ATP11A: variants seen among roughly 807,000 people sequenced by gnomAD.
The protein encoded by ATP11A is phospholipid-transporting ATPase IH.
In ATP11A, 81 loss-of-function variants were observed where a neutral mutation model predicts 154.4. That is an observed-to-expected ratio of 0.52 (90% CI 0.44 to 0.63). ATP11A has a LOEUF of 0.63. ATP11A is among the 30% of genes least tolerant of loss of function. The probability of loss-of-function intolerance (pLI) is 0.00; values close to 1 mark genes in which losing one functional copy is unlikely to be tolerated. For synonymous variants in ATP11A, 623 were observed against 585.9 expected (o/e 1.06, Z -0.91); for missense variants, 1,316 against 1,474.3 (o/e 0.89, Z 1.76).
chr13:112,881,627 C>G, intron 29 of ATP11A: 3 of 1,189,712 alleles, frequency 2.5e-6, no homozygotes, highest in Non-Finnish European at 2.1e-6. Flanking sequence ...GACCCCTCGC[C>G]TCCATATGGC....
rs920334732 is a variant in ATP11A, at chr13:112,789,545, G to A, written c.162+4288G>A. ...CTTAATTCACACCGGGTGTCCTGAT[G>A]CGTAGACTCCTGTGGATACCTACTT... On this transcript the variant is annotated intron_variant, in intron 2 of 29. Coordinates refer to ENST00000375645, the MANE Select transcript of ATP11A (RefSeq NM_015205.3). Among the ~76,000 whole-genome samples the A allele has an allele frequency of 2.7e-5, 4 of 148,588 alleles. No individual in the cohort carries two copies. In the Admixed American group the frequency reaches 2.7e-4, roughly 10 times the overall value.
chr13:112,816,668 G>A (rs1350702727), intron 6 of ATP11A, among the ~76,000 whole-genome samples: 2 of 152,160 alleles, frequency 1.3e-5, no homozygotes, highest in South Asian at 2.1e-4. Context: ...CGTGTTGTAC[G>A]TTGGGTTTTT....
chr13:112,743,072 C>A (rs1014745291), intron 1 of ATP11A, among the ~76,000 whole-genome samples: 3 of 152,118 alleles, frequency 2.0e-5, no homozygotes, highest in African/African-American at 7.2e-5. Context: ...TATGGAGAGG[C>A]GAAGTCGTTA....
intron 1 of ATP11A, among the ~76,000 whole-genome samples, chr13:112,757,367 G>A (rs1429907482): frequency 1.3e-5 from 2 of 152,260 alleles, no homozygotes; most frequent in Non-Finnish European, 2.9e-5. Flanking sequence ...AAGGCAATGT[G>A]TTTAATCCAC....
At chr13:112,851,273 G>C in intron 18 of ATP11A, 55 bp downstream of exon 18, 1 of 1,564,410 alleles carries the variant, frequency 6.4e-7, no homozygotes, top group Non-Finnish European at 8.7e-7. Context: ...GCAGGCCGAC[G>C]GCCCAGGGCG....
At position 112,713,679 on chromosome 13, in the gene ATP11A, G is replaced by A. The variant is rs190025835; in HGVS notation, c.39+23224G>A. Among the ~76,000 whole-genome samples, 5 of 152,274 alleles carry A rather than the reference G, an allele frequency of 3.3e-5. No individual in the cohort carries two copies. The East Asian group carries it at 9.6e-4, about 29-fold the overall frequency. ...CAGGCAGAGTGGACATTTCACTCGC[G>A]GTTTAATTTGCGGGAAGATCACATT... is the stretch of plus-strand genomic sequence containing the variant. On this transcript the variant is annotated intron_variant, in intron 1 of 29. Transcript: ENST00000375645.
intron 1 of ATP11A, among the ~76,000 whole-genome samples, chr13:112,708,805 T>C (rs1887436434): frequency 1.3e-5 from 2 of 152,036 alleles, no homozygotes; most frequent in Non-Finnish European, 2.9e-5. Flanking sequence ...TTCCAACGAG[T>C]GGCTCTCCCG....
chr13:112,830,104 G>A (rs1333057048), intron 12 of ATP11A, among the ~76,000 whole-genome samples: 1 of 152,196 alleles, frequency 6.6e-6, no homozygotes, highest in Non-Finnish European at 1.5e-5. Flanking sequence ...GCTCTGCCCA[G>A]TGGCTGGCAC....
In ATP11A at chr13:112,748,275, A is replaced by T. The variant is rs180853608; in HGVS notation, c.40-36860A>T. On this transcript the variant is annotated intron_variant, in intron 1 of 29. Transcript: ENST00000375645. ...CTAGAAGGCATTTGTGGGACTCTCAAACTAAGATGGGTCTTCATTACCTTC... is the reference window on the plus strand; with the variant it reads ...CTAGAAGGCATTTGTGGGACTCTCATACTAAGATGGGTCTTCATTACCTTC... Among the ~76,000 whole-genome samples the T allele has an allele frequency of 2.0e-4, 31 of 152,332 alleles. No homozygotes were observed. In the East Asian group the frequency reaches 3.7e-3, roughly 18 times the overall value.
chr13:112,691,437 C>T (rs1885158948), intron 1 of ATP11A, among the ~76,000 whole-genome samples: 1 of 144,314 alleles, frequency 6.9e-6, no homozygotes, highest in Non-Finnish European at 1.5e-5. Context: ...GCACTCCAAC[C>T]TGGGTGACAG....
In ATP11A at chr13:112,864,582, G is replaced by C. The variant is rs1382067379; in HGVS notation, c.2991+2007G>C. On this transcript the variant is annotated intron_variant, in intron 25 of 29. Transcript: ENST00000375645. Reference sequence around the variant, plus strand: ...GCGGCCCATGCAGCTTCCCAGCGGGGTCCATCACCACCTGCACAGTAATTC... The same window carrying C: ...GCGGCCCATGCAGCTTCCCAGCGGGCTCCATCACCACCTGCACAGTAATTC... Among the ~76,000 whole-genome samples, 5 of 50,474 alleles carry C rather than the reference G, an allele frequency of 9.9e-5. 1 individual carries two copies. The highest frequency in any genetic ancestry group is 1.6e-4 in the Non-Finnish European group (5 of 30,916). The allele number at this position is 50,474 out of a possible 152,430, so 33.1% of individuals were successfully genotyped here.
intron 1 of ATP11A, among the ~76,000 whole-genome samples, chr13:112,716,864 G>A (rs1888519841): frequency 6.6e-6 from 1 of 152,118 alleles, no homozygotes. Context: ...TTCTAAAGAT[G>A]GCTATGTGCA....
At chr13:112,863,641 G>C (rs1184829186) in intron 25 of ATP11A, among the ~76,000 whole-genome samples, 18 of 147,598 alleles carry the variant, frequency 1.2e-4, no homozygotes, top group Non-Finnish European at 1.0e-4. Context: ...ATTCAGTGCA[G>C]CCCATGCAGC....
At chr13:112,712,577 G>A (rs1475284861) in intron 1 of ATP11A, among the ~76,000 whole-genome samples, 3 of 152,156 alleles carry the variant, frequency 2.0e-5, no homozygotes, top group African/African-American at 7.2e-5. Flanking sequence ...TCTCTCTACT[G>A]TGGGTGATGG....
rs1566449785 is a variant in ATP11A, at chr13:112,766,801, TTGGGG to T, written c.40-18333_40-18329del. 3.8e-3 allele frequency among the ~76,000 whole-genome samples: 8 copies of T among 2,082 alleles called. 1 individual carries two copies. The highest frequency in any genetic ancestry group is 0.012 in the Admixed American group (1 of 84). The allele number at this position is 2,082 out of a possible 152,430, so 1.4% of individuals were successfully genotyped here. A position where few individuals can be genotyped will look rare whatever the true frequency, so the allele number is the denominator to read the frequency against. ...TTCCTGTGAGGAGGATGTGGGGGCG[TTGGGG>T]GCCACTGTGGGAAGGTGGGGAGATG... On this transcript the variant is annotated intron_variant, in intron 1 of 29. Coordinates refer to ENST00000375645, the MANE Select transcript of ATP11A (RefSeq NM_015205.3).
chr13:112,723,806 A>C (rs1889493519), intron 1 of ATP11A, among the ~76,000 whole-genome samples: 1 of 152,080 alleles, frequency 6.6e-6, no homozygotes, highest in South Asian at 2.1e-4. Context: ...AGCTGACTGA[A>C]GGTTATTTGA....
intron 2 of ATP11A, among the ~76,000 whole-genome samples, chr13:112,797,426 T>C (rs375684837): frequency 6.6e-6 from 1 of 150,802 alleles, no homozygotes; most frequent in Non-Finnish European, 1.5e-5. Context: ...AGCTCAGAGA[T>C]AAATACAAAA....
In ATP11A at chr13:112,790,827, A is replaced by G. The variant is rs181069765; in HGVS notation, c.162+5570A>G. On this transcript the variant is annotated intron_variant, in intron 2 of 29. Transcript: ENST00000375645. ...TTTTAAAGAATATTTTACAACAGAA[A>G]AGGTCACCTTTTCAAAGCCTTTTTT... 3.1e-3 allele frequency among the ~76,000 whole-genome samples: 465 copies of G among 152,352 alleles called. 3 individuals carry two copies. Among genetic ancestry groups the G allele is most frequent in the African/African-American group, 0.011 (451 of 41,576 alleles).
chr13:112,712,640 C>T (rs544792911), intron 1 of ATP11A, among the ~76,000 whole-genome samples: 1 of 152,358 alleles, frequency 6.6e-6, no homozygotes, highest in African/African-American at 2.4e-5. Flanking sequence ...CGCAGAGCCC[C>T]TCTCACTGGA....
Sources: gnomAD v4.1 joint callset for allele counts (sites outside exome capture counted in the v4.1 genomes callset) on GRCh38, gnomAD v4.1.1 for gene constraint, MANE v1.5 for transcripts, NCBI Gene and HGNC (gene_info 2026-07-23, HGNC 2026-07-21) for gene names.